The following SSH2 variants were observed in gnomAD, a reference collection of about 807,000 sequenced individuals.
SSH2 encodes the protein slingshot protein phosphatase 2, also known as protein phosphatase Slingshot homolog 2.
A neutral mutation model predicts 135.2 loss-of-function variants in SSH2; 37 were observed. That is an observed-to-expected ratio of 0.27 (90% CI 0.21 to 0.36). The LOEUF (loss-of-function observed/expected upper bound fraction) is 0.36, where lower values mean the gene tolerates loss of function less well. SSH2 is among the 10% of genes least tolerant of loss of function. The probability of loss-of-function intolerance (pLI) is 1.00; values close to 1 mark genes in which losing one functional copy is unlikely to be tolerated. For missense variants in SSH2, 1,408 were observed against 1,765.3 expected (o/e 0.80, Z 3.63); for synonymous variants, 628 against 646.2 (o/e 0.97, Z 0.43).
At chr17:29,896,388 C>A (rs1256046920) in intron 1 of SSH2, among the ~76,000 whole-genome samples, 5 of 138,200 alleles carry the variant, frequency 3.6e-5, no homozygotes, top group African/African-American at 1.4e-4. Context: ...ATACACATTT[C>A]ATGTATAAAA....
chr17:29,837,155 G>A (rs1001877811), intron 2 of SSH2, among the ~76,000 whole-genome samples: 2 of 152,016 alleles, frequency 1.3e-5, no homozygotes, highest in Non-Finnish European at 2.9e-5. Flanking sequence ...TACTTGGGAG[G>A]CTGAGGCAGG....
At position 29,648,312 on chromosome 17, in the gene SSH2, T is replaced by A. The variant is rs1399492686; in HGVS notation, c.1259A>T (p.Lys420Ile). ...KHGSKCLVHC[K>I]MGVSRSASTV... ...GGAGGCTGAGCGACTCACCCCCATT[T>A]TGCAGTGCACAAGGCATTTAGATCC... is the stretch of plus-strand genomic sequence containing the variant. Residue 420 changes from lysine (K) to isoleucine (I), a missense_variant, in exon 14 of 16, where the codon AAA (lysine) becomes ATA (isoleucine). Transcript: ENST00000540801. The A allele has an allele frequency of 1.2e-6, 2 of 1,613,834 alleles. No individual in the cohort carries two copies. Among genetic ancestry groups the A allele is most frequent in the Non-Finnish European group, 1.7e-6 (2 of 1,179,840 alleles).
Position 29,784,480 on chromosome 17 carries a change from C to G in SSH2, c.188+9414G>C, listed in dbSNP as rs546941005. Among the ~76,000 whole-genome samples, 4 of 151,910 alleles carry G rather than the reference C, an allele frequency of 2.6e-5. No individual in the cohort carries two copies. In the East Asian group the frequency reaches 5.8e-4, roughly 22 times the overall value. Reference sequence around the variant, plus strand: ...GGTGTGGTGACGGGTGCCTGTAATCCCAGCTTCTTGGGAGGCTGAGACAGG... The same window carrying G: ...GGTGTGGTGACGGGTGCCTGTAATCGCAGCTTCTTGGGAGGCTGAGACAGG... On this transcript the variant is annotated intron_variant, in intron 3 of 15. Transcript: ENST00000540801.
At chr17:29,672,222 C>A in intron 8 of SSH2, 93 bp from the exon 9 acceptor site, 2 of 946,890 alleles carry the variant, frequency 2.1e-6, no homozygotes, top group South Asian at 3.8e-5. Context: ...TTTTTAAATT[C>A]TATAGAATTT....
At chr17:29,717,332 C>T (rs1469763484) in intron 3 of SSH2, among the ~76,000 whole-genome samples, 15 of 152,134 alleles carry the variant, frequency 9.9e-5, no homozygotes, top group Admixed American at 9.8e-4. Flanking sequence ...GATGAGGTCT[C>T]ACTATGTTGC....
chr17:29,641,440 T>G (rs2150982954), intron 14 of SSH2, among the ~76,000 whole-genome samples: 1 of 152,190 alleles, frequency 6.6e-6, no homozygotes, highest in Admixed American at 6.6e-5. Flanking sequence ...AGTTGGTCTG[T>G]ATCCTGGATG....
At chr17:29,921,032 G>A (rs1004439267) in intron 1 of SSH2, among the ~76,000 whole-genome samples, 1 of 152,000 alleles carries the variant, frequency 6.6e-6, no homozygotes, top group African/African-American at 2.4e-5. Context: ...ACAAAACAAG[G>A]AATATATAAT....
intron 3 of SSH2, among the ~76,000 whole-genome samples, chr17:29,715,779 A>G (rs183311963): frequency 1.1e-4 from 16 of 152,340 alleles, no homozygotes; most frequent in Admixed American, 8.5e-4. Flanking sequence ...ACTTAAGGAG[A>G]TAAGAAACCA....
intron 6 of SSH2, among the ~76,000 whole-genome samples, chr17:29,683,543 G>A (rs1214236677): frequency 1.3e-5 from 2 of 151,796 alleles, no homozygotes; most frequent in Non-Finnish European, 2.9e-5. Context: ...ACAGACTGTA[G>A]TTTAAGTGGG....
chr17:29,875,457 C>G (rs766971432), intron 1 of SSH2, among the ~76,000 whole-genome samples: 18 of 152,042 alleles, frequency 1.2e-4, no homozygotes, highest in Non-Finnish European at 2.6e-4. Context: ...TCCCTACTGG[C>G]CTCCTTCTTT....
chr17:29,654,257 T>A (rs1279543884), intron 12 of SSH2, among the ~76,000 whole-genome samples: 1 of 152,236 alleles, frequency 6.6e-6, no homozygotes, highest in Admixed American at 6.5e-5. Context: ...AAGACTAAGA[T>A]ACAGTCTCTG....
chr17:29,883,387 A>C (rs1390543310), intron 1 of SSH2, among the ~76,000 whole-genome samples: 1 of 152,194 alleles, frequency 6.6e-6, no homozygotes, highest in Non-Finnish European at 1.5e-5. Context: ...ATTTTAAAAG[A>C]ATCAGAAGAC....
chr17:29,695,281 A>C (rs1395193183), intron 5 of SSH2, among the ~76,000 whole-genome samples, 178 bp downstream of exon 5: 1 of 152,248 alleles, frequency 6.6e-6, no homozygotes, highest in Non-Finnish European at 1.5e-5. Flanking sequence ...AATAACTTAC[A>C]AATTGGTGCT....
At chr17:29,753,284 T>A (rs1018299203) in intron 3 of SSH2, among the ~76,000 whole-genome samples, 1 of 151,682 alleles carries the variant, frequency 6.6e-6, no homozygotes, top group Non-Finnish European at 1.5e-5. Context: ...GCACCCACCA[T>A]CATGCCCAGC....
At chr17:29,678,242 C>T (rs1045839627) in intron 6 of SSH2, among the ~76,000 whole-genome samples, 12 of 151,952 alleles carry the variant, frequency 7.9e-5, no homozygotes, top group South Asian at 2.1e-4. Flanking sequence ...TACAGGCGAG[C>T]GCCACCACAC....
intron 2 of SSH2, among the ~76,000 whole-genome samples, chr17:29,805,617 CAT>C (rs1444076852): frequency 1.3e-5 from 2 of 152,160 alleles, no homozygotes; most frequent in Non-Finnish European, 1.5e-5. Context: ...AAATGCCACA[CAT>C]GAGCCCCTGC....
In SSH2 at chr17:29,930,010, G is replaced by T. The variant is rs1384807067; in HGVS notation, c.-10C>A. On this transcript the variant is annotated 5_prime_UTR_variant, in exon 1 of 16. Coordinates refer to ENST00000540801, the MANE Select transcript of SSH2 (RefSeq NM_001282129.2). ...CCGTGACCAAAGCCATCTAGGCGCT[G>T]CTGGGTTGTTCCGGGCAGGGCATTC... 13 of 1,595,372 alleles carry T rather than the reference G, an allele frequency of 8.1e-6. No individual in the cohort carries two copies. The highest frequency in any genetic ancestry group is 1.1e-5 in the Non-Finnish European group (13 of 1,171,516).
chr17:29,769,582 TGAA>T (rs1312284296), intron 3 of SSH2, among the ~76,000 whole-genome samples: 1 of 152,180 alleles, frequency 6.6e-6, no homozygotes, highest in African/African-American at 2.4e-5. Context: ...ACATCCTACA[TGAA>T]GGAGGCATTT....
chr17:29,733,783 A>G (rs1175661284), intron 3 of SSH2, among the ~76,000 whole-genome samples: 3 of 152,222 alleles, frequency 2.0e-5, no homozygotes, highest in Middle Eastern at 3.2e-3. Context: ...CTGTATTAAA[A>G]ACACTATTTA....
Sources: gnomAD v4.1 joint callset for allele counts (sites outside exome capture counted in the v4.1 genomes callset) on GRCh38, gnomAD v4.1.1 for gene constraint, MANE v1.5 for transcripts, NCBI Gene and HGNC (gene_info 2026-07-23, HGNC 2026-07-21) for gene names.